Variants in DZIP1L observed in about 807,000 individuals in gnomAD.
DZIP1L encodes the protein DAZ interacting zinc finger protein 1 like, also known as cilium assembly protein DZIP1L.
DZIP1L carries 90 observed loss-of-function variants against 88.7 expected under a neutral mutation model. The ratio of observed to expected loss-of-function variants is 1.02; its 90% CI spans 0.86 to 1.21. DZIP1L has a LOEUF of 1.21. Ranked by LOEUF, DZIP1L falls within the 50% of genes most tolerant of loss-of-function variation. The pLI is 0.00. For missense variants in DZIP1L, 932 were observed against 955.8 expected (o/e 0.98, Z 0.33); for synonymous variants, 363 against 372.1 (o/e 0.98, Z 0.28).
rs1380564592 is a variant in DZIP1L at position 138,084,286 on chromosome 3, G to A, written c.1063-33C>T. On this transcript the variant is annotated intron_variant, in intron 7 of 15. Coordinates refer to ENST00000327532, the MANE Select transcript of DZIP1L (RefSeq NM_173543.3). ...GCACAAGATGGCTGGTCAGTCAAATGTCTGCAGGGACATCTTAGTGCCTGG... is the reference window on the plus strand; with the variant it reads ...GCACAAGATGGCTGGTCAGTCAAATATCTGCAGGGACATCTTAGTGCCTGG... 5 of 1,607,304 alleles carry A rather than the reference G, an allele frequency of 3.1e-6. No individual in the cohort carries two copies. In the South Asian group the frequency reaches 5.5e-5, roughly 18 times the overall value.
intron 1 of DZIP1L, chr3:138,112,592 T>C (rs906264298): frequency 2.0e-5 from 3 of 152,208 alleles, no homozygotes; most frequent in Non-Finnish European, 4.4e-5. Context: ...CGTGCTTTTT[T>C]CAGACGAATT....
intron 1 of DZIP1L, among the ~76,000 whole-genome samples, chr3:138,104,673 A>G (rs1174871837): frequency 6.6e-6 from 1 of 152,216 alleles, no homozygotes; most frequent in African/African-American, 2.4e-5. Context: ...CTGGAATGTG[A>G]GTGAAATGAT....
chr3:138,068,405 C>A, intron 12 of DZIP1L, 38 bp from the exon 13 acceptor site: 2 of 1,423,224 alleles, frequency 1.4e-6, no homozygotes, highest in Non-Finnish European at 1.9e-6. Context: ...GGAGTACACC[C>A]ATGCTGGATC....
At position 138,084,005 on chromosome 3, in the gene DZIP1L, C is replaced by A. The variant is rs876013; in HGVS notation, c.1203+108G>T. On this transcript the variant is annotated intron_variant, in intron 8 of 15. Transcript: ENST00000327532. ...AGGACTCTTCTCTCTCCTTAAGGAG[C>A]CTGAGTGGTAAGACTAGCACTGATG... 7,308 of 1,451,586 alleles carry A rather than the reference C, an allele frequency of 5.0e-3. 331 individuals carry two copies. In the African/African-American group the frequency reaches 0.092, roughly 18 times the overall value. The allele number at this position is 1,451,586 out of a possible 1,614,324, so 89.9% of individuals were successfully genotyped here. A position where few individuals can be genotyped will look rare whatever the true frequency, so the allele number is the denominator to read the frequency against.
At chr3:138,085,775 A>G (rs1943901735) in intron 7 of DZIP1L, among the ~76,000 whole-genome samples, 1 of 152,232 alleles carries the variant, frequency 6.6e-6, no homozygotes, top group African/African-American at 2.4e-5. Flanking sequence ...CCAAAGGACT[A>G]TAAATCATGC....
intron 12 of DZIP1L, among the ~76,000 whole-genome samples, chr3:138,071,057 G>T (rs1943153270): frequency 1.3e-5 from 2 of 152,234 alleles, no homozygotes; most frequent in Admixed American, 1.3e-4. Context: ...TAAAGTGGCA[G>T]CTATGACCTG....
chr3:138,076,786 G>A (rs1020008770), intron 11 of DZIP1L, among the ~76,000 whole-genome samples: 1 of 152,030 alleles, frequency 6.6e-6, no homozygotes, highest in African/African-American at 2.4e-5. Flanking sequence ...AGGGATAAAA[G>A]GCTACACACT....
At chr3:138,081,878 C>G in intron 8 of DZIP1L, 114 bp from the exon 9 acceptor site, 1 of 1,106,428 alleles carries the variant, frequency 9.0e-7, no homozygotes, top group Non-Finnish European at 1.3e-6. Context: ...GATTCCATGA[C>G]TCACGTTGGG....
In DZIP1L at chr3:138,062,797, A is replaced by G; in HGVS notation, c.*19T>C. ...CCCCAGCCAGGCTAACCCTCTAGCC[A>G]GCTAGCTTCTGGGGTGAATCACCAG... On this transcript the variant is annotated 3_prime_UTR_variant, in exon 16 of 16. Transcript: ENST00000327532. 6.2e-7 allele frequency: 1 copy of G among 1,613,234 alleles called. No homozygotes were observed. The highest frequency in any genetic ancestry group is 8.5e-7 in the Non-Finnish European group (1 of 1,179,860).
intron 7 of DZIP1L, among the ~76,000 whole-genome samples, chr3:138,086,054 C>A: frequency 6.7e-6 from 1 of 149,220 alleles, no homozygotes; most frequent in East Asian, 2.0e-4. Flanking sequence ...GGGAATTGAA[C>A]AATGAGAACA....
intron 1 of DZIP1L, among the ~76,000 whole-genome samples, chr3:138,106,229 C>T (rs2042485241): frequency 6.8e-6 from 1 of 148,100 alleles, no homozygotes; most frequent in Non-Finnish European, 1.5e-5. Flanking sequence ...ACCTCCACCT[C>T]CCGGGTTCAT....
intron 11 of DZIP1L, among the ~76,000 whole-genome samples, chr3:138,074,202 C>T (rs1427556870): frequency 6.6e-6 from 1 of 152,150 alleles, no homozygotes; most frequent in Non-Finnish European, 1.5e-5. Flanking sequence ...ACAAGAAGCT[C>T]AAAGAACACC....
intron 3 of DZIP1L, among the ~76,000 whole-genome samples, chr3:138,095,824 A>G: frequency 6.6e-6 from 1 of 152,150 alleles, no homozygotes; most frequent in Non-Finnish European, 1.5e-5. Context: ...AAAAAGCAGC[A>G]TGTATTATAA....
intron 4 of DZIP1L, 30 bp downstream of exon 4, chr3:138,094,832 G>A: frequency 1.9e-6 from 3 of 1,613,642 alleles, no homozygotes; most frequent in East Asian, 4.5e-5. Flanking sequence ...CATGACCCAA[G>A]TCTCCCTGAT....
In DZIP1L at chr3:138,067,660, G is replaced by A. The variant is rs370494844; in HGVS notation, c.1873C>T (p.Arg625Cys). 18 of 1,607,604 alleles carry A rather than the reference G, an allele frequency of 1.1e-5. No homozygotes were observed. Among genetic ancestry groups the A allele is most frequent in the Admixed American group, 3.4e-5 (2 of 58,998 alleles). Residue 625 changes from arginine to cysteine, a missense_variant, in exon 14 of 16, where the codon CGT (arginine) becomes TGT (cysteine). Transcript: ENST00000327532. The part of the protein sequence containing the change: ...FSSEEDSEGD[R>C]VQRVSLQPPK... ...GGCTGTAGAGACACACGCTGCACAC[G>A]GTCTCCCTCTGAGTCCTCTTCAGAA...
intron 1 of DZIP1L, among the ~76,000 whole-genome samples, chr3:138,106,874 G>C (rs1238087648): frequency 1.3e-5 from 2 of 150,746 alleles, no homozygotes; most frequent in Non-Finnish European, 2.9e-5. Flanking sequence ...AAAAAAGAGA[G>C]AGAGAGAGAG....
Position 138,097,793 on chromosome 3 carries a change from G to A in DZIP1L, c.556C>T (p.Gln186Ter). 6.2e-7 allele frequency: 1 copy of A among 1,613,102 alleles called. No individual in the cohort carries two copies. The highest frequency in any genetic ancestry group is 8.5e-7 in the Non-Finnish European group (1 of 1,179,646). Residue 186 changes from glutamine (Q) to a stop codon, truncating the protein, a stop_gained, in exon 3 of 16, where the codon CAG becomes TAG. Coordinates refer to ENST00000327532, the MANE Select transcript of DZIP1L (RefSeq NM_173543.3). LOFTEE classifies it high-confidence loss of function. ...MNATFLRGHIQRRHAGVAEGG... is the reference protein window; with the variant it reads ...MNATFLRGHI ...TCTGCCACGCCTGCATGCCTGCGCT[G>A]GATGTGGCCCCGGAGAAAGGTGGCA...
At chr3:138,066,882 A>G (rs1038426459) in intron 14 of DZIP1L, among the ~76,000 whole-genome samples, 3 of 152,144 alleles carry the variant, frequency 2.0e-5, no homozygotes, top group Non-Finnish European at 4.4e-5. Flanking sequence ...GCGCACCTGA[A>G]GGAGGGCCGC....
intron 12 of DZIP1L, among the ~76,000 whole-genome samples, chr3:138,070,104 C>T (rs796923031): frequency 1.4e-4 from 21 of 152,206 alleles, no homozygotes; most frequent in African/African-American, 4.3e-4. Flanking sequence ...GCCAGCATTC[C>T]GAGGGTTTTT....
Sources: gnomAD v4.1 joint callset for allele counts (sites outside exome capture counted in the v4.1 genomes callset) on GRCh38, gnomAD v4.1.1 for gene constraint, MANE v1.5 for transcripts, NCBI Gene and HGNC (gene_info 2026-07-23, HGNC 2026-07-21) for gene names.